CFAP20DC: variants seen among roughly 807,000 people sequenced by gnomAD.
The protein encoded by CFAP20DC is CFAP20 domain containing, also known as protein CFAP20DC.
In CFAP20DC, 84 loss-of-function variants were observed where a neutral mutation model predicts 101.7. That is an observed-to-expected ratio of 0.83 (90% CI 0.69 to 0.99). CFAP20DC has a LOEUF of 0.99. CFAP20DC is among the 50% of genes least tolerant of loss of function. The probability of loss-of-function intolerance (pLI) is 0.00; values close to 1 mark genes in which losing one functional copy is unlikely to be tolerated. For missense variants in CFAP20DC, 1,007 were observed against 970.3 expected (o/e 1.04, Z -0.50); for synonymous variants, 359 against 351.2 (o/e 1.02, Z -0.25).
chr3:58,782,964 C>CAAAAA (rs937822080), intron 15 of CFAP20DC, among the ~76,000 whole-genome samples: 1 of 151,290 alleles, frequency 6.6e-6, no homozygotes, highest in Non-Finnish European at 1.5e-5. Context: ...AAATTTTGAG[C>CAAAAA]AAAAAACAAA....
At chr3:58,932,171 C>A (rs1376839211) in intron 5 of CFAP20DC, among the ~76,000 whole-genome samples, 1 of 151,982 alleles carries the variant, frequency 6.6e-6, no homozygotes, top group Admixed American at 6.6e-5. Flanking sequence ...GAAAGGGTAT[C>A]AGTGATGGAA....
At chr3:58,867,285 A>T (rs1461967792) in intron 10 of CFAP20DC, among the ~76,000 whole-genome samples, 1 of 152,206 alleles carries the variant, frequency 6.6e-6, no homozygotes, top group African/African-American at 2.4e-5. Flanking sequence ...CTACATATAC[A>T]TGCCTCGAAT....
intron 4 of CFAP20DC, among the ~76,000 whole-genome samples, chr3:59,004,781 G>A (rs1486487329): frequency 6.6e-6 from 1 of 152,148 alleles, no homozygotes; most frequent in African/African-American, 2.4e-5. Context: ...CCACAGCTCT[G>A]TTTTGTTCAT....
At chr3:58,780,527 A>G (rs973046248) in intron 15 of CFAP20DC, among the ~76,000 whole-genome samples, 1 of 152,088 alleles carries the variant, frequency 6.6e-6, no homozygotes, top group Non-Finnish European at 1.5e-5. Flanking sequence ...AGATCCAAGT[A>G]TATGCTGCCT....
At chr3:59,008,766 C>T (rs1019093522) in intron 4 of CFAP20DC, among the ~76,000 whole-genome samples, 10 of 151,716 alleles carry the variant, frequency 6.6e-5, no homozygotes, top group South Asian at 4.2e-4. Flanking sequence ...TGCTAAATGA[C>T]GAGTTAATGG....
chr3:58,936,060 C>G (rs1455015456), intron 5 of CFAP20DC, among the ~76,000 whole-genome samples: 1 of 152,042 alleles, frequency 6.6e-6, no homozygotes, highest in East Asian at 1.9e-4. Flanking sequence ...CTACAATGAA[C>G]TCAAACAAAT....
At chr3:58,740,635 G>A (rs2067859915), downstream of CFAP20DC, among the ~76,000 whole-genome samples, 1 of 152,114 alleles carries the variant, frequency 6.6e-6, no homozygotes, top group Admixed American at 6.5e-5. This position sits in a 1 kb window ranked among gnomAD's most constrained non-coding sequence, Gnocchi z 4.6. Flanking sequence ...AGGCCTTATA[G>A]CCTTACAGCA....
In CFAP20DC at chr3:59,007,430, A is replaced by G. The variant is rs1429460133; in HGVS notation, c.278+32127T>C. ...CCACCTCCTGGCTGGAGGCCAACCA[A>G]CTCAAGCCATTACAGCAACTCATGA... On this transcript the variant is annotated intron_variant, in intron 4 of 16. Transcript: ENST00000482387. This position sits in a 1 kb window ranked among gnomAD's most constrained non-coding sequence, Gnocchi z 4.4. Among the ~76,000 whole-genome samples the G allele has an allele frequency of 6.6e-6, 1 of 152,006 alleles. No homozygotes were observed. Among genetic ancestry groups the G allele is most frequent in the Non-Finnish European group, 1.5e-5 (1 of 67,992 alleles).
In CFAP20DC at chr3:58,928,380, T is replaced by C. The variant is rs144511345; in HGVS notation, c.393+9268A>G. ...GCATCTATAGATCAGACAGGACTTATAATCCTTATCTAGGACTTACTCTAT... is the reference window on the plus strand; with the variant it reads ...GCATCTATAGATCAGACAGGACTTACAATCCTTATCTAGGACTTACTCTAT... On this transcript the variant is annotated intron_variant, in intron 5 of 16. Transcript: ENST00000482387. 2.0e-5 allele frequency among the ~76,000 whole-genome samples: 3 copies of C among 152,318 alleles called. No homozygotes were observed. In the East Asian group the frequency reaches 5.8e-4, roughly 29 times the overall value.
chr3:58,777,888 C>A (rs1229856899), intron 15 of CFAP20DC, among the ~76,000 whole-genome samples: 1 of 152,182 alleles, frequency 6.6e-6, no homozygotes. Flanking sequence ...ATCCTACAAA[C>A]CACCAAGTCC....
chr3:58,728,967 A>G lies in CFAP20DC; in HGVS notation c.198-11339T>C, dbSNP rs544184468. On this transcript the variant is annotated intron_variant, in intron 3 of 3. Transcript: ENST00000486145. The surrounding 1 kb of genome is among the most constrained non-coding windows in gnomAD (Gnocchi z 4.7). ...GGGGCTAGGTCATAAAAGGCATTGCAGCTCCCTTTGTGGCTTCTTGGATCA... is the reference window on the plus strand; with the variant it reads ...GGGGCTAGGTCATAAAAGGCATTGCGGCTCCCTTTGTGGCTTCTTGGATCA... Among the ~76,000 whole-genome samples the G allele has an allele frequency of 6.6e-6, 1 of 152,314 alleles. No individual in the cohort carries two copies. Among genetic ancestry groups the G allele is most frequent in the African/African-American group, 2.4e-5 (1 of 41,562 alleles).
chr3:58,946,708 C>T (rs376517304), intron 4 of CFAP20DC, among the ~76,000 whole-genome samples: 4 of 152,024 alleles, frequency 2.6e-5, no homozygotes, highest in South Asian at 2.1e-4. Context: ...AGAGAACATC[C>T]GAATTGGTAC....
intron 15 of CFAP20DC, among the ~76,000 whole-genome samples, chr3:58,790,219 T>C (rs1345313944): frequency 6.6e-6 from 1 of 152,208 alleles, no homozygotes; most frequent in Non-Finnish European, 1.5e-5. Flanking sequence ...CCTGGTGACT[T>C]CTAATACCCA....
At chr3:58,820,125 T>C (rs1460340689) in intron 14 of CFAP20DC, among the ~76,000 whole-genome samples, 2 of 151,578 alleles carry the variant, frequency 1.3e-5, no homozygotes, top group Non-Finnish European at 1.5e-5. Context: ...ATAAATTAGG[T>C]ATTGATGGGA....
chr3:58,829,336 A>G (rs1263541984), intron 14 of CFAP20DC, among the ~76,000 whole-genome samples: 1 of 151,850 alleles, frequency 6.6e-6, no homozygotes, highest in Non-Finnish European at 1.5e-5. Context: ...AAAAAAAAAA[A>G]AAGGGATATT....
chr3:58,785,007 T>C (rs2072192752), intron 15 of CFAP20DC, among the ~76,000 whole-genome samples: 1 of 152,060 alleles, frequency 6.6e-6, no homozygotes, highest in Non-Finnish European at 1.5e-5. Flanking sequence ...CTATTCACAA[T>C]AGCAAAGATA....
intron 7 of CFAP20DC, among the ~76,000 whole-genome samples, chr3:58,875,560 G>A (rs1280310493): frequency 6.6e-6 from 1 of 152,102 alleles, no homozygotes; most frequent in Non-Finnish European, 1.5e-5. Context: ...GTTCAGCTAA[G>A]GGCCATTTTT....
chr3:58,948,477 C>G (rs1390031638), intron 4 of CFAP20DC, among the ~76,000 whole-genome samples: 1 of 152,160 alleles, frequency 6.6e-6, no homozygotes, highest in Non-Finnish European at 1.5e-5. Context: ...ACTTTATGAG[C>G]CATGAACTGA....
chr3:59,008,287 T>C (rs918993246), intron 4 of CFAP20DC, among the ~76,000 whole-genome samples: 3 of 152,170 alleles, frequency 2.0e-5, no homozygotes, highest in Non-Finnish European at 4.4e-5. Context: ...GCTTTCCTGG[T>C]GACCTGGCAT....
Sources: allele counts gnomAD v4.1 joint callset (sites outside exome capture counted in the v4.1 genomes callset), GRCh38; gene constraint gnomAD v4.1.1; non-coding constraint Gnocchi (gnomAD v3.1); transcripts MANE v1.5; gene names NCBI Gene and HGNC (gene_info 2026-07-23, HGNC 2026-07-21).